Variants in TNIK observed in about 807,000 individuals in gnomAD.
TNIK encodes the protein TRAF2 and NCK interacting kinase, also known as TRAF2 and NCK-interacting protein kinase.
TNIK carries 49 observed loss-of-function variants against 191.3 expected under a neutral mutation model. The observed-to-expected ratio is 0.26, with a 90% CI of 0.20 to 0.32. The LOEUF is 0.32. Among genes scored for constraint, TNIK ranks in the 10% least tolerant of loss-of-function variants. The pLI, the probability that TNIK is intolerant of heterozygous loss-of-function variation, is 1.00. For missense variants in TNIK, 1,155 were observed against 1,702.3 expected (o/e 0.68, Z 5.66); for synonymous variants, 594 against 600.9 (o/e 0.99, Z 0.17).
intron 1 of TNIK, among the ~76,000 whole-genome samples, chr3:171,395,933 G>A: frequency 6.6e-6 from 1 of 152,054 alleles, no homozygotes; most frequent in East Asian, 1.9e-4. Flanking sequence ...TTAAAAAACA[G>A]GTTTATTAAG....
At chr3:171,303,366 A>T (rs898916247) in intron 2 of TNIK, among the ~76,000 whole-genome samples, 4 of 152,208 alleles carry the variant, frequency 2.6e-5, no homozygotes, top group African/African-American at 9.6e-5. Context: ...TCAATTAATA[A>T]TCTATGATAT....
intron 12 of TNIK, among the ~76,000 whole-genome samples, chr3:171,146,800 G>A (rs1288707786): frequency 6.6e-6 from 1 of 150,768 alleles, no homozygotes; most frequent in African/African-American, 2.4e-5. Flanking sequence ...TGAGGCAGGA[G>A]AATTGCTTGA....
intron 2 of TNIK, among the ~76,000 whole-genome samples, chr3:171,359,345 T>C (rs1440764801): frequency 6.6e-6 from 1 of 152,228 alleles, no homozygotes; most frequent in Non-Finnish European, 1.5e-5. Context: ...GTTCTTCACA[T>C]ATGGAGTTCC....
intron 3 of TNIK, among the ~76,000 whole-genome samples, chr3:171,221,026 C>G (rs374076696): frequency 1.3e-5 from 2 of 152,240 alleles, no homozygotes; most frequent in African/African-American, 2.4e-5. Flanking sequence ...AGGACAGATG[C>G]TAAAGTGTGC....
chr3:171,120,303 C>T (rs1727477117), intron 18 of TNIK, among the ~76,000 whole-genome samples: 1 of 150,422 alleles, frequency 6.6e-6, no homozygotes, highest in Admixed American at 6.6e-5. Flanking sequence ...TAGGCTCTGC[C>T]TTGTTTTTCT....
intron 2 of TNIK, among the ~76,000 whole-genome samples, chr3:171,331,463 T>G (rs1253884468): frequency 6.6e-6 from 1 of 152,182 alleles, no homozygotes; most frequent in Non-Finnish European, 1.5e-5. Context: ...ACTTGGTAAA[T>G]TCAATTTCAG....
chr3:171,395,434 G>A (rs564866859), intron 1 of TNIK, among the ~76,000 whole-genome samples: 223 of 152,174 alleles, frequency 1.5e-3, no homozygotes, highest in African/African-American at 5.0e-3. Context: ...AAAAATGGTC[G>A]CAATTATTAC....
At chr3:171,071,201 A>G in intron 29 of TNIK, 22 bp downstream of exon 29, 1 of 1,557,846 alleles carries the variant, frequency 6.4e-7, no homozygotes, top group Non-Finnish European at 8.7e-7. Flanking sequence ...AGCACATTTT[A>G]GATAATCACA....
intron 2 of TNIK, among the ~76,000 whole-genome samples, chr3:171,293,988 G>A (rs138575926): frequency 0.019 from 2,887 of 152,288 alleles, 46 homozygotes; most frequent in Non-Finnish European, 0.027. Context: ...ACTTTGGAAG[G>A]CTGAGGCAGG....
intron 21 of TNIK, among the ~76,000 whole-genome samples, chr3:171,106,080 G>A (rs1285793345): frequency 6.6e-6 from 1 of 152,136 alleles, no homozygotes; most frequent in Non-Finnish European, 1.5e-5. Context: ...GTCACTCTGG[G>A]TGGTGAGGTG....
At position 171,110,823 on chromosome 3, in the gene TNIK, G is replaced by C; in HGVS notation, c.2175C>G (p.Thr725=). ...EPILESPLQR[T]SSGSSSSSST... ...TGGAGCTGGAGGAACTGCCACTGCT[G>C]GTCCTCTGCAAGGGGCTCTCCAAGA... Residue 725 remains threonine, a synonymous_variant, in exon 19 of 33, where the codon ACC becomes ACG. Coordinates refer to ENST00000436636, the MANE Select transcript of TNIK (RefSeq NM_015028.4). 1.2e-6 allele frequency: 2 copies of C among 1,604,964 alleles called. No individual in the cohort carries two copies. Among genetic ancestry groups the C allele is most frequent in the Non-Finnish European group, 1.7e-6 (2 of 1,176,278 alleles).
At chr3:171,248,304 A>AGTTGCT in intron 2 of TNIK, among the ~76,000 whole-genome samples, 1 of 152,292 alleles carries the variant, frequency 6.6e-6, no homozygotes, top group Non-Finnish European at 1.5e-5. Context: ...TCCAGGGAAA[A>AGTTGCT]CAGGAGAAGG....
At chr3:171,252,621 C>T (rs1746368235) in intron 2 of TNIK, among the ~76,000 whole-genome samples, 1 of 152,136 alleles carries the variant, frequency 6.6e-6, no homozygotes, top group Admixed American at 6.5e-5. Flanking sequence ...TGTGGCCTAC[C>T]AGTGGGAATT....
At chr3:171,314,639 A>G (rs1431211876) in intron 2 of TNIK, among the ~76,000 whole-genome samples, 1 of 152,182 alleles carries the variant, frequency 6.6e-6, no homozygotes, top group Non-Finnish European at 1.5e-5. Context: ...TAGTTCCTGC[A>G]TGCCTGCTGG....
chr3:171,142,536 G>A (rs1382552905), intron 12 of TNIK, among the ~76,000 whole-genome samples: 1 of 152,212 alleles, frequency 6.6e-6, no homozygotes, highest in Admixed American at 6.5e-5. Context: ...GGTTGTAGGA[G>A]GGCAGGTGAA....
chr3:171,101,413 C>T (rs770967902), intron 22 of TNIK, 36 bp downstream of exon 22: 57 of 1,549,444 alleles, frequency 3.7e-5, no homozygotes, highest in Non-Finnish European at 5.0e-5. Flanking sequence ...AAACCTAGTC[C>T]CCTCCCGGTC....
rs1718128036 is a variant in TNIK, at chr3:171,064,143, C to G, written c.4000-179G>C. 6.9e-6 allele frequency: 4 copies of G among 580,614 alleles called. No homozygotes were observed. In the East Asian group the frequency reaches 1.2e-4, roughly 18 times the overall value. 36.0% of individuals were successfully genotyped at this position (580,614 alleles called of 1,614,324 possible). A position where few individuals can be genotyped will look rare whatever the true frequency, so the allele number is the denominator to read the frequency against. ...GTGCATCCTATGTAAAAACTCCTGCCTTTATTCCTAGGTTGTTATTATTCC... is the reference window on the plus strand; with the variant it reads ...GTGCATCCTATGTAAAAACTCCTGCGTTTATTCCTAGGTTGTTATTATTCC... On this transcript the variant is annotated intron_variant, in intron 32 of 32. Transcript: ENST00000436636.
At chr3:171,289,573 C>G (rs992099081) in intron 2 of TNIK, among the ~76,000 whole-genome samples, 1 of 152,108 alleles carries the variant, frequency 6.6e-6, no homozygotes, top group Admixed American at 6.6e-5. Flanking sequence ...TGTCTTAAAC[C>G]ACTAAATTTT....
chr3:171,223,275 C>T lies in TNIK; in HGVS notation c.180+4890G>A, dbSNP rs369718156. ...AGTGAGGACTGTCTCCTCACAGTTC[C>T]GACAAACTTTACAAGTAACGTTATT... On this transcript the variant is annotated intron_variant, in intron 3 of 32. Coordinates refer to ENST00000436636, the MANE Select transcript of TNIK (RefSeq NM_015028.4). Among the ~76,000 whole-genome samples, 30 of 152,152 alleles carry T rather than the reference C, an allele frequency of 2.0e-4. No individual in the cohort carries two copies. The East Asian group carries it at 2.1e-3, about 11-fold the overall frequency.
Sources: gnomAD v4.1 joint callset for allele counts (sites outside exome capture counted in the v4.1 genomes callset) on GRCh38, gnomAD v4.1.1 for gene constraint, MANE v1.5 for transcripts, NCBI Gene and HGNC (gene_info 2026-07-23, HGNC 2026-07-21) for gene names.